Variants in NR1D2 observed in about 807,000 individuals in gnomAD.
NR1D2 encodes V-erbA-related protein 1-related.
A neutral mutation model predicts 52.2 loss-of-function variants in NR1D2; 25 were observed. That is an observed-to-expected ratio of 0.48 (90% CI 0.35 to 0.67). NR1D2 has a LOEUF of 0.67. Among genes scored for constraint, NR1D2 ranks in the 30% least tolerant of loss-of-function variants. The pLI, the probability that NR1D2 is intolerant of heterozygous loss-of-function variation, is 0.01. For missense variants in NR1D2, 681 were observed against 707.2 expected, an observed-to-expected ratio of 0.96 and a Z score of 0.42; for synonymous variants, 259 against 230.1, an observed-to-expected ratio of 1.13 and a Z score of -1.14.
rs563426139 is a variant in NR1D2 at position 23,954,523 on chromosome 3, C to T, written c.17-14C>T. On this transcript the variant is annotated splice_polypyrimidine_tract_variant and intron_variant, in intron 1 of 7. Transcript: ENST00000312521. ...TCTTGTATCTAATTATGTGATTTTC[C>T]TCCTATTTTCTAGGAGGTGTGATTG... 13 of 1,605,662 alleles carry T rather than the reference C, an allele frequency of 8.1e-6. No individual in the cohort carries two copies. The highest frequency in any genetic ancestry group is 3.3e-5 in the South Asian group (3 of 90,656).
intron 1 of NR1D2, among the ~76,000 whole-genome samples, chr3:23,950,930 G>A (rs1249184211): frequency 2.0e-5 from 2 of 102,338 alleles, no homozygotes; most frequent in African/African-American, 9.2e-5. Context: ...TTGAGATGGA[G>A]TTTTCACTCT....
At chr3:23,968,602 G>A (rs992633309) in intron 7 of NR1D2, among the ~76,000 whole-genome samples, 1 of 152,214 alleles carries the variant, frequency 6.6e-6, no homozygotes, top group African/African-American at 2.4e-5. Flanking sequence ...TGGCATAGAA[G>A]AGCTACTCAG....
At chr3:23,975,047 G>T (rs894935835) in intron 7 of NR1D2, among the ~76,000 whole-genome samples, 1 of 151,916 alleles carries the variant, frequency 6.6e-6, no homozygotes, top group Non-Finnish European at 1.5e-5. Context: ...TCAAACTCCT[G>T]ATCTCAGGTG....
At chr3:23,950,125 C>T (rs1014092397) in intron 1 of NR1D2, among the ~76,000 whole-genome samples, 1 of 152,192 alleles carries the variant, frequency 6.6e-6, no homozygotes, top group Non-Finnish European at 1.5e-5. Context: ...TTTTACTCTT[C>T]TTACTTTATC....
At chr3:23,959,375 G>A (rs1706177234) in intron 3 of NR1D2, among the ~76,000 whole-genome samples, 1 of 152,126 alleles carries the variant, frequency 6.6e-6, no homozygotes, top group Admixed American at 6.5e-5. Context: ...TGGTAACAGG[G>A]TAGTGTGGTT....
At chr3:23,945,836 A>C (rs1245168626) in intron 1 of NR1D2, among the ~76,000 whole-genome samples, 1 of 149,596 alleles carries the variant, frequency 6.7e-6, no homozygotes. Flanking sequence ...CCCCCCCCTC[A>C]CATGGCCCGG....
At chr3:23,965,915 C>G (rs1043873191) in intron 6 of NR1D2, among the ~76,000 whole-genome samples, 1 of 152,200 alleles carries the variant, frequency 6.6e-6, no homozygotes, top group Non-Finnish European at 1.5e-5. Context: ...ATATATCAGA[C>G]ATTTCTTATG....
intron 5 of NR1D2, chr3:23,963,122 T>C (rs957651793): frequency 4.9e-6 from 2 of 409,590 alleles, no homozygotes; most frequent in African/African-American, 4.3e-5. Context: ...TAGGCTAATT[T>C]CTAAGGATTT....
At chr3:23,976,647 C>G (rs1180168243) in intron 7 of NR1D2, among the ~76,000 whole-genome samples, 1 of 152,224 alleles carries the variant, frequency 6.6e-6, no homozygotes, top group Non-Finnish European at 1.5e-5. Flanking sequence ...AAGAGCGTAC[C>G]TAAGATGGAG....
chr3:23,952,751 A>G (rs1189235860), intron 1 of NR1D2, among the ~76,000 whole-genome samples: 1 of 150,784 alleles, frequency 6.6e-6, no homozygotes, highest in Non-Finnish European at 1.5e-5. Context: ...ATCGTGTCTG[A>G]TGAAAAACAT....
intron 5 of NR1D2, chr3:23,963,474 C>G: frequency 1.9e-6 from 2 of 1,042,938 alleles, no homozygotes; most frequent in Non-Finnish European, 2.4e-6. Context: ...TTTTTTGAGA[C>G]ATTCTTGCTC....
chr3:23,965,232 ATTCTTT>A (rs1706407518), intron 6 of NR1D2, 70 bp downstream of exon 6: 46 of 686,998 alleles, frequency 6.7e-5, no homozygotes, highest in Non-Finnish European at 8.3e-5. Context: ...GGATGTTTTA[ATTCTTT>A]TTTTTTTTTT....
chr3:23,945,611 G>A lies in NR1D2; in HGVS notation c.16+17G>A. The A allele has an allele frequency of 3.4e-6, 4 of 1,177,656 alleles. No individual in the cohort carries two copies. Among genetic ancestry groups the A allele is most frequent in the Non-Finnish European group, 4.2e-6 (4 of 945,986 alleles). 73.0% of individuals were successfully genotyped at this position (1,177,656 alleles called of 1,614,324 possible). ...TGAATGCAGGTAAGAACCGGACTGCGGCGGGTGGGGGATGGCCGGAGGGAG... is the reference window on the plus strand; with the variant it reads ...TGAATGCAGGTAAGAACCGGACTGCAGCGGGTGGGGGATGGCCGGAGGGAG... On this transcript the variant is annotated intron_variant, in intron 1 of 7. Coordinates refer to ENST00000312521, the MANE Select transcript of NR1D2 (RefSeq NM_005126.5).
chr3:23,969,625 TTTATCTGA>T (rs1706536474), intron 7 of NR1D2, among the ~76,000 whole-genome samples: 2 of 152,348 alleles, frequency 1.3e-5, no homozygotes, highest in South Asian at 2.1e-4. Context: ...TGTTAAATTA[TTTATCTGA>T]TGAATATGCC....
intron 6 of NR1D2, among the ~76,000 whole-genome samples, chr3:23,966,541 C>A (rs1466991674): frequency 6.6e-6 from 1 of 152,208 alleles, no homozygotes; most frequent in Non-Finnish European, 1.5e-5. Flanking sequence ...ACTTGGCAGC[C>A]TAAAGAGATT....
In NR1D2 at chr3:23,977,934, T is replaced by A. The variant is rs1706777764; in HGVS notation, c.*515T>A. 1 of 152,212 alleles carries A rather than the reference T, an allele frequency of 6.6e-6. No homozygotes were observed. The highest frequency in any genetic ancestry group is 2.4e-5 in the African/African-American group (1 of 41,456). The allele number at this position is 152,212 out of a possible 1,614,324, so 9.4% of individuals were successfully genotyped here. On this transcript the variant is annotated 3_prime_UTR_variant, in exon 8 of 8. Transcript: ENST00000312521. ...AAGTGTGTGGTCCTGGGTAGTTTAC[T>A]TGCTTGCGGAAAATGAGAATTGATG...
At position 23,967,023 on chromosome 3, in the gene NR1D2, C is replaced by CAATA. The variant is rs561047724; in HGVS notation, c.1333-773_1333-770dup. ...TGGGCAACAGAGCAAGACCCTGTCTCAATAAATAAATAAATAAATAGGCCG... is the reference window on the plus strand; with the variant it reads ...TGGGCAACAGAGCAAGACCCTGTCTCAATAAATAAATAAATAAATAAATAGGCCG... On this transcript the variant is annotated intron_variant, in intron 6 of 7. Coordinates refer to ENST00000312521, the MANE Select transcript of NR1D2 (RefSeq NM_005126.5). 2.2e-4 allele frequency among the ~76,000 whole-genome samples: 34 copies of CAATA among 151,696 alleles called. 1 individual carries two copies. In the South Asian group the frequency reaches 2.9e-3, roughly 13 times the overall value.
intron 1 of NR1D2, among the ~76,000 whole-genome samples, chr3:23,949,972 C>T (rs1705880982): frequency 6.6e-6 from 1 of 152,116 alleles, no homozygotes; most frequent in South Asian, 2.1e-4. Flanking sequence ...CTGGGTAAGC[C>T]CTAGCCTGGG....
intron 5 of NR1D2, chr3:23,963,217 A>G (rs1437077065): frequency 7.7e-7 from 1 of 1,290,662 alleles, no homozygotes; most frequent in South Asian, 1.2e-5. Flanking sequence ...GACATTCTAC[A>G]TCAAAGTACA....
Sources: allele counts gnomAD v4.1 joint callset (sites outside exome capture counted in the v4.1 genomes callset), GRCh38; gene constraint gnomAD v4.1.1; transcripts MANE v1.5; gene names NCBI Gene and HGNC (gene_info 2026-07-23, HGNC 2026-07-21).